NEDD4: variants seen among roughly 807,000 people sequenced by gnomAD.
NEDD4 encodes E3 ubiquitin-protein ligase NEDD4.
Under a neutral mutation model 144.9 loss-of-function variants are expected in NEDD4, and 99 were observed. The ratio of observed to expected loss-of-function variants is 0.68; its 90% CI spans 0.58 to 0.81. NEDD4 has a LOEUF of 0.81. Ranked by LOEUF, NEDD4 falls within the 30% of genes least tolerant of loss-of-function variation. The pLI is 0.00. For synonymous variants in NEDD4, 318 were observed against 350.6 expected (o/e 0.91, Z 1.04); for missense variants, 985 against 1,065.9 (o/e 0.92, Z 1.06).
At chr15:55,991,066 C>G (rs1245085399) in intron 1 of NEDD4, among the ~76,000 whole-genome samples, 1 of 152,210 alleles carries the variant, frequency 6.6e-6, no homozygotes, top group African/African-American at 2.4e-5. Context: ...CGACTATTCA[C>G]TATATACTGA....
intron 7 of NEDD4, among the ~76,000 whole-genome samples, chr15:55,871,786 T>C (rs1003141442): frequency 1.1e-4 from 17 of 152,216 alleles, no homozygotes; most frequent in Non-Finnish European, 2.2e-4. Context: ...ACAGATGTCC[T>C]TTCTCTGCTT....
chr15:55,910,289 C>T (rs1470125076), intron 5 of NEDD4, among the ~76,000 whole-genome samples: 1 of 152,100 alleles, frequency 6.6e-6, no homozygotes, highest in African/African-American at 2.4e-5. Context: ...TTCAATCTGG[C>T]TTTTAACCCC....
chr15:55,991,244 T>C (rs1030553969), intron 1 of NEDD4, among the ~76,000 whole-genome samples: 2 of 152,206 alleles, frequency 1.3e-5, no homozygotes, highest in African/African-American at 4.8e-5. Flanking sequence ...CTGTGAGTTT[T>C]AGAAGTGACA....
At chr15:55,969,291 T>C (rs543154966) in intron 1 of NEDD4, among the ~76,000 whole-genome samples, 1 of 152,186 alleles carries the variant, frequency 6.6e-6, no homozygotes, top group Non-Finnish European at 1.5e-5. Flanking sequence ...AAGGCTAAGT[T>C]TGGGCAAGCC....
intron 1 of NEDD4, among the ~76,000 whole-genome samples, chr15:55,977,053 CAGA>C (rs1193721122): frequency 3.3e-5 from 5 of 152,290 alleles, no homozygotes; most frequent in East Asian, 1.9e-4. Flanking sequence ...ATGCCTTTCT[CAGA>C]AGAAGTCTGA....
At chr15:55,947,934 G>T (rs1428179773) in intron 4 of NEDD4, among the ~76,000 whole-genome samples, 24 of 152,102 alleles carry the variant, frequency 1.6e-4, no homozygotes, top group Non-Finnish European at 3.1e-4. Flanking sequence ...TCAACATAGT[G>T]TTAGAAGTTC....
At chr15:55,834,675 C>T (rs747619627) in intron 24 of NEDD4, among the ~76,000 whole-genome samples, 2 of 152,048 alleles carry the variant, frequency 1.3e-5, no homozygotes, top group African/African-American at 2.4e-5. Context: ...ACCTGTGGTC[C>T]CAGCTACTGG....
In NEDD4 at chr15:55,827,359, T is replaced by C. The variant is rs1414377078; in HGVS notation, c.*2538A>G. 5 of 152,202 alleles carry C rather than the reference T, an allele frequency of 3.3e-5. No individual in the cohort carries two copies. In the South Asian group the frequency reaches 6.2e-4, roughly 19 times the overall value. 9.4% of individuals were successfully genotyped at this position (152,202 alleles called of 1,614,324 possible). A position where few individuals can be genotyped will look rare whatever the true frequency, so the allele number is the denominator to read the frequency against. On this transcript the variant is annotated 3_prime_UTR_variant, in exon 29 of 29. Transcript: ENST00000435532. ...TGGGATAAGGGGCTGTGTTGCTTGA[T>C]AGATGTTTCTTCCAGACCACGAGCC... is the stretch of plus-strand genomic sequence containing the variant.
chr15:55,913,031 A>G (rs1448028812), intron 5 of NEDD4, among the ~76,000 whole-genome samples: 1 of 152,154 alleles, frequency 6.6e-6, no homozygotes, highest in East Asian at 1.9e-4. Flanking sequence ...GATTACAGTA[A>G]GCTAGAAACT....
intron 22 of NEDD4, 76 bp from the exon 23 acceptor site, chr15:55,838,256 G>A (rs1180250263): frequency 3.9e-6 from 4 of 1,016,842 alleles, no homozygotes; most frequent in African/African-American, 1.6e-5. Flanking sequence ...GTAGTTATAC[G>A]AGAAACTTGG....
chr15:55,856,520 T>C (rs1000495448), intron 11 of NEDD4, among the ~76,000 whole-genome samples: 1 of 152,236 alleles, frequency 6.6e-6, no homozygotes, highest in Non-Finnish European at 1.5e-5. Context: ...GTTTCATCTT[T>C]TGTCACTTTG....
At chr15:55,889,754 G>T (rs1465714445) in intron 5 of NEDD4, among the ~76,000 whole-genome samples, 2 of 152,078 alleles carry the variant, frequency 1.3e-5, no homozygotes, top group African/African-American at 4.8e-5. Context: ...AGGCTGGAGT[G>T]CAGTGGTGTG....
rs1477654394 is a variant in NEDD4 at position 55,828,831 on chromosome 15, A to C, written c.*1066T>G. On this transcript the variant is annotated 3_prime_UTR_variant, in exon 29 of 29. Transcript: ENST00000435532. ...GTAATAAATTTAATACAAATTATGC[A>C]TTATAACAACTCTTTGGTTATTTTA... 6.6e-6 allele frequency: 1 copy of C among 152,658 alleles called. No individual in the cohort carries two copies. The highest frequency in any genetic ancestry group is 1.5e-5 in the Non-Finnish European group (1 of 68,040). 9.5% of individuals were successfully genotyped at this position (152,658 alleles called of 1,614,324 possible).
chr15:55,887,605 G>A (rs184010925), intron 5 of NEDD4, among the ~76,000 whole-genome samples: 1 of 152,222 alleles, frequency 6.6e-6, no homozygotes, highest in East Asian at 1.9e-4. Flanking sequence ...AAAAACAGAG[G>A]AGGAGGGAAT....
chr15:55,934,848 T>G (rs1220506476), intron 4 of NEDD4: 1 of 140,418 alleles, frequency 7.1e-6, no homozygotes, highest in Admixed American at 7.4e-5. Context: ...TATTCCTATA[T>G]ACAATGTTCT....
At chr15:55,830,352 T>C (rs995018631) in intron 28 of NEDD4, among the ~76,000 whole-genome samples, 162 bp downstream of exon 28, 1 of 152,216 alleles carries the variant, frequency 6.6e-6, no homozygotes, top group African/African-American at 2.4e-5. Context: ...GCCAACTTGG[T>C]AACAAAACAC....
chr15:55,958,660 T>A (rs2037377046), intron 2 of NEDD4, among the ~76,000 whole-genome samples: 1 of 152,122 alleles, frequency 6.6e-6, no homozygotes, highest in Non-Finnish European at 1.5e-5. Context: ...AACAACAAAT[T>A]CAATTTCTTT....
intron 1 of NEDD4, among the ~76,000 whole-genome samples, chr15:55,985,469 C>T (rs1360867997): frequency 6.6e-6 from 1 of 152,080 alleles, no homozygotes; most frequent in Admixed American, 6.6e-5. Context: ...GCAATATTCC[C>T]ACTGGCATCC....
At chr15:55,953,270 T>G (rs1210157143) in intron 2 of NEDD4, among the ~76,000 whole-genome samples, 2 of 151,910 alleles carry the variant, frequency 1.3e-5, no homozygotes, top group Non-Finnish European at 2.9e-5. Flanking sequence ...ATTACCCACG[T>G]GAGCCATAGC....
Sources: allele counts gnomAD v4.1 joint callset (sites outside exome capture counted in the v4.1 genomes callset), GRCh38; gene constraint gnomAD v4.1.1; transcripts MANE v1.5; gene names NCBI Gene and HGNC (gene_info 2026-07-23, HGNC 2026-07-21).